PCDHGB4: variants seen among roughly 807,000 people sequenced by gnomAD.
PCDHGB4 encodes the protein protocadherin gamma subfamily B, 4, also known as protocadherin gamma-B4.
PCDHGB4 carries 38 observed loss-of-function variants against 60.5 expected under a neutral mutation model. That is an observed-to-expected ratio of 0.63 (90% CI 0.48 to 0.82). The LOEUF (loss-of-function observed/expected upper bound fraction) is 0.82. PCDHGB4 is among the 40% of genes least tolerant of loss of function. The pLI is 0.00. For synonymous variants in PCDHGB4, 456 were observed against 509.7 expected, an observed-to-expected ratio of 0.89 and a Z score of 1.42; for missense variants, 1,109 against 1,209.6, an observed-to-expected ratio of 0.92 and a Z score of 1.23.
intron 1 of PCDHGB4, chr5:141,422,106 C>T: frequency 6.2e-7 from 1 of 1,607,266 alleles, no homozygotes; most frequent in Non-Finnish European, 8.5e-7. Flanking sequence ...CTGAAATATT[C>T]CAATTGGATT....
chr5:141,436,068 T>A (rs1343785335), intron 1 of PCDHGB4, among the ~76,000 whole-genome samples: 1 of 152,190 alleles, frequency 6.6e-6, no homozygotes, highest in Non-Finnish European at 1.5e-5. Flanking sequence ...ATTTAATAAG[T>A]ACAGTGTTCT....
At chr5:141,451,832 G>A (rs1190124133) in intron 1 of PCDHGB4, among the ~76,000 whole-genome samples, 1 of 150,948 alleles carries the variant, frequency 6.6e-6, no homozygotes, top group Non-Finnish European at 1.5e-5. Context: ...AGTGAGCCGA[G>A]ATCACACCAC....
chr5:141,417,874 C>A (rs768197455), intron 1 of PCDHGB4: 2 of 1,555,202 alleles, frequency 1.3e-6, no homozygotes, highest in African/African-American at 2.7e-5. Context: ...GAGGGAGCTG[C>A]GCGCAGAGGC....
At chr5:141,440,428 C>A (rs1001845529) in intron 1 of PCDHGB4, 1 of 152,132 alleles carries the variant, frequency 6.6e-6, no homozygotes, top group Non-Finnish European at 1.5e-5. Context: ...GCCTGGGTGA[C>A]AGAGCAAGGC....
At chr5:141,509,782 C>A (rs2099878218) in intron 3 of PCDHGB4, among the ~76,000 whole-genome samples, 1 of 152,144 alleles carries the variant, frequency 6.6e-6, no homozygotes, top group Admixed American at 6.5e-5. Context: ...TCCCCGAGAT[C>A]ATCATCTCCT....
At position 141,476,033 on chromosome 5, in the gene PCDHGB4, C is replaced by T; in HGVS notation, c.2398-18774C>T. On this transcript the variant is annotated intron_variant, in intron 1 of 3. Transcript: ENST00000519479. The surrounding 1 kb of genome is among the most constrained non-coding windows in gnomAD (Gnocchi z 7.6). The stretch of plus-strand genomic sequence containing the variant: ...GCCATGTCGGACTCGGCGCCCAGCG[C>T]CCAAGCGCTAACCCGCTGAAAGTTT... 6.8e-7 allele frequency: 1 copy of T among 1,469,590 alleles called. No individual in the cohort carries two copies. Among genetic ancestry groups the T allele is most frequent in the Non-Finnish European group, 9.0e-7 (1 of 1,105,326 alleles). 91.0% of individuals were successfully genotyped at this position (1,469,590 alleles called of 1,614,324 possible). A position where few individuals can be genotyped will look rare whatever the true frequency, so the allele number is the denominator to read the frequency against.
rs776079289 is a variant in PCDHGB4 at position 141,423,264 on chromosome 5, CGAGTCTCT to C, written c.2397+32985_2397+32992del. The C allele has an allele frequency of 9.8e-5, 158 of 1,613,986 alleles. 1 individual carries two copies. The African/African-American group carries it at 1.9e-3, about 20-fold the overall frequency. ...AAGTCCTGGCGGACCTCGGCAGCCT[CGAGTCTCT>C]GGCTAACTCTGAAACCTCAGACCTC... On this transcript the variant is annotated intron_variant, in intron 1 of 3. Transcript: ENST00000519479.
chr5:141,413,601 A>T (rs2095657842), intron 1 of PCDHGB4: 1 of 1,613,814 alleles, frequency 6.2e-7, no homozygotes, highest in African/African-American at 1.3e-5. Flanking sequence ...CAGAAAATCT[A>T]GACGTAAAAA....
At position 141,409,702 on chromosome 5, in the gene PCDHGB4, G is replaced by T. The variant is rs545411022; in HGVS notation, c.2397+19421G>T. The T allele has an allele frequency of 1.9e-6, 3 of 1,613,226 alleles. No individual in the cohort carries two copies. The East Asian group carries it at 6.7e-5, about 36-fold the overall frequency. ...TGGCGAGTGACCTAGAGCCCCTGGC[G>T]GTGTCGTCATACGTGTCAGTGAGCG... On this transcript the variant is annotated intron_variant, in intron 1 of 3. Coordinates refer to ENST00000519479, the MANE Select transcript of PCDHGB4 (RefSeq NM_003736.4).
chr5:141,443,974 G>A (rs775899117), intron 1 of PCDHGB4, among the ~76,000 whole-genome samples: 5 of 152,066 alleles, frequency 3.3e-5, no homozygotes, highest in Non-Finnish European at 7.4e-5. Context: ...GTCCATCTAA[G>A]CTATGTTAAT....
intron 1 of PCDHGB4, chr5:141,400,578 T>C: frequency 6.2e-7 from 1 of 1,610,934 alleles, no homozygotes; most frequent in Non-Finnish European, 8.5e-7. Context: ...TTTCTGTATT[T>C]ACATGAAACT....
chr5:141,501,664 TATAG>T (rs1161034391), intron 2 of PCDHGB4, among the ~76,000 whole-genome samples: 1 of 152,064 alleles, frequency 6.6e-6, no homozygotes, highest in East Asian at 1.9e-4. Flanking sequence ...TGTTGGAAAA[TATAG>T]ATAATCACAA....
At chr5:141,415,904 C>T in intron 1 of PCDHGB4, 1 of 833,428 alleles carries the variant, frequency 1.2e-6, no homozygotes, top group Non-Finnish European at 1.6e-6. Context: ...AGACAGACTT[C>T]CATACAGAAG....
chr5:141,427,798 T>A, intron 1 of PCDHGB4: 1 of 1,506,550 alleles, frequency 6.6e-7, no homozygotes. Context: ...TACGTGTCCG[T>A]GAGCGCACAG....
At chr5:141,401,098 C>T (rs1589430206) in intron 1 of PCDHGB4, among the ~76,000 whole-genome samples, 1 of 152,110 alleles carries the variant, frequency 6.6e-6, no homozygotes, top group East Asian at 1.9e-4. Context: ...AATCCCAGCA[C>T]TTTGGGAGGC....
chr5:141,423,082 G>A (rs1390567548), intron 1 of PCDHGB4: 3 of 1,614,078 alleles, frequency 1.9e-6, no homozygotes, highest in Admixed American at 1.7e-5. Flanking sequence ...GGGACTCTTC[G>A]CGGTGGGGGA....
intron 1 of PCDHGB4, among the ~76,000 whole-genome samples, chr5:141,463,534 C>T (rs866525322): frequency 2.6e-4 from 39 of 148,938 alleles, no homozygotes; most frequent in Admixed American, 7.5e-4. Flanking sequence ...CTAGAAACTC[C>T]GGCTCCCGGG....
chr5:141,419,699 C>A (rs1488905080), intron 1 of PCDHGB4: 1 of 1,612,924 alleles, frequency 6.2e-7, no homozygotes. Context: ...GGCCAGTGAG[C>A]CCGGGCTCTT....
At chr5:141,398,747 AC>A in intron 1 of PCDHGB4, 1 of 1,613,496 alleles carries the variant, frequency 6.2e-7, no homozygotes, top group Middle Eastern at 1.6e-4. Context: ...CAACAGAGTT[AC>A]CATCGTTTAG....
Sources: gnomAD v4.1 joint callset for allele counts (sites outside exome capture counted in the v4.1 genomes callset) on GRCh38, gnomAD v4.1.1 for gene constraint, Gnocchi (gnomAD v3.1) non-coding constraint, MANE v1.5 for transcripts, NCBI Gene and HGNC (gene_info 2026-07-23, HGNC 2026-07-21) for gene names.